AHI1: variants seen among roughly 807,000 people sequenced by gnomAD.
The protein encoded by AHI1 is Abelson helper integration site 1.
In AHI1, 123 loss-of-function variants were observed where a neutral mutation model predicts 149.3. The ratio of observed to expected loss-of-function variants is 0.82; its 90% CI spans 0.71 to 0.96. The LOEUF (loss-of-function observed/expected upper bound fraction) is 0.96, where lower values mean the gene tolerates loss of function less well. AHI1 is among the 40% of genes least tolerant of loss of function. The pLI, the probability that AHI1 is intolerant of heterozygous loss-of-function variation, is 0.00. For synonymous variants in AHI1, 475 were observed against 459.8 expected, an observed-to-expected ratio of 1.03 and a Z score of -0.42; for missense variants, 1,439 against 1,422.7, an observed-to-expected ratio of 1.01 and a Z score of -0.18.
intron 24 of AHI1, among the ~76,000 whole-genome samples, chr6:135,342,423 A>G (rs986351847): frequency 5.3e-5 from 8 of 151,928 alleles, no homozygotes; most frequent in African/African-American, 1.9e-4. Flanking sequence ...GATCGGTATT[A>G]CCATGATCCC....
chr6:135,388,070 TA>T (rs113398452), intron 23 of AHI1: 1 of 1,609,750 alleles, frequency 6.2e-7, no homozygotes, highest in Non-Finnish European at 8.5e-7. Context: ...AACTGCATAA[TA>T]AAAACATTTT....
chr6:135,373,964 T>C (rs1320495819), intron 23 of AHI1, among the ~76,000 whole-genome samples: 1 of 151,652 alleles, frequency 6.6e-6, no homozygotes, highest in Non-Finnish European at 1.5e-5. Context: ...TCTTTCTATA[T>C]AGAACAGAGA....
intron 15 of AHI1, among the ~76,000 whole-genome samples, chr6:135,434,908 T>C (rs946665681): frequency 6.6e-6 from 1 of 152,170 alleles, no homozygotes; most frequent in Non-Finnish European, 1.5e-5. Flanking sequence ...TTAGAAGTTG[T>C]TGATTTGAGA....
intron 25 of AHI1, 150 bp from the exon 26 acceptor site, chr6:135,318,766 C>T (rs765820692): frequency 2.2e-5 from 11 of 496,894 alleles, no homozygotes; most frequent in Middle Eastern, 3.3e-4. Flanking sequence ...TTACTTGTTA[C>T]GGCAATTTGC....
intron 21 of AHI1, among the ~76,000 whole-genome samples, chr6:135,409,097 C>A (rs1781213709): frequency 6.6e-6 from 1 of 152,006 alleles, no homozygotes; most frequent in Admixed American, 6.6e-5. Context: ...CAGTTTATTT[C>A]TTTCACTCAT....
intron 5 of AHI1, among the ~76,000 whole-genome samples, chr6:135,480,995 T>C (rs968821809): frequency 9.9e-5 from 15 of 152,204 alleles, no homozygotes; most frequent in African/African-American, 3.4e-4. Context: ...GCCCACTCCA[T>C]GGAAAAATTG....
Position 135,394,896 on chromosome 6 carries a change from C to T in AHI1, c.2989G>A (p.Val997Ile), listed in dbSNP as rs747411182. 2 of 1,593,330 alleles carry T rather than the reference C, an allele frequency of 1.3e-6. No homozygotes were observed. The highest frequency in any genetic ancestry group is 1.7e-6 in the Non-Finnish European group (2 of 1,168,450). ...GAAGTAAATGAGAGATTTTTGTTGA[C>T]CTGTATTAGGAAAACAAATCAGAAA... is the stretch of plus-strand genomic sequence containing the variant. Reference protein sequence around the residue: ...TEVIRSCAAKVNKNLSFTSPP... With the variant: ...TEVIRSCAAKINKNLSFTSPP... The change falls in exon 23 of 29, where the codon GTC becomes ATC. Residue 997 changes from valine (V) to isoleucine (I), a missense_variant and splice_region_variant. Val to Ile is a conservative substitution (Grantham distance 29). Coordinates refer to ENST00000265602, the MANE Select transcript of AHI1 (RefSeq NM_001134831.2).
chr6:135,484,022 C>T (rs1794111794), intron 5 of AHI1, among the ~76,000 whole-genome samples: 1 of 151,746 alleles, frequency 6.6e-6, no homozygotes, highest in Admixed American at 6.6e-5. Flanking sequence ...TAAAGTTCCA[C>T]ATGGCTGTGG....
At chr6:135,397,445 C>G (rs964630261) in intron 22 of AHI1, among the ~76,000 whole-genome samples, 25 of 151,978 alleles carry the variant, frequency 1.6e-4, no homozygotes, top group African/African-American at 5.8e-4. Context: ...AAACCACAGT[C>G]TGCCAAAGTC....
At chr6:135,351,144 C>CAAAAAAAAAA (rs112077817) in intron 24 of AHI1, among the ~76,000 whole-genome samples, 2 of 116,282 alleles carry the variant, frequency 1.7e-5, no homozygotes, top group East Asian at 2.2e-4. Flanking sequence ...ACAAAAAAAA[C>CAAAAAAAAAA]AAAAAAAAAA....
chr6:135,332,500 C>T (rs935189801), intron 24 of AHI1, among the ~76,000 whole-genome samples: 5 of 152,216 alleles, frequency 3.3e-5, no homozygotes, highest in Non-Finnish European at 7.3e-5. Flanking sequence ...ATAAAAATTA[C>T]AAGCCATTGG....
At chr6:135,473,690 G>T (rs1390155201) in intron 5 of AHI1, among the ~76,000 whole-genome samples, 1 of 152,062 alleles carries the variant, frequency 6.6e-6, no homozygotes, top group Non-Finnish European at 1.5e-5. Flanking sequence ...ACTTTGAGGG[G>T]TTCAGTGTAC....
intron 5 of AHI1, among the ~76,000 whole-genome samples, chr6:135,471,599 C>T (rs1048017793): frequency 6.6e-6 from 1 of 152,010 alleles, no homozygotes; most frequent in Non-Finnish European, 1.5e-5. Flanking sequence ...TTGAAACGTC[C>T]CAAATACATT....
intron 27 of AHI1, among the ~76,000 whole-genome samples, chr6:135,291,173 C>T (rs1484775129): frequency 6.6e-6 from 1 of 151,864 alleles, no homozygotes; most frequent in African/African-American, 2.4e-5. Flanking sequence ...AAGAATGGAA[C>T]AGAGTATCTT....
intron 20 of AHI1, among the ~76,000 whole-genome samples, chr6:135,413,038 T>C (rs1781827839): frequency 6.6e-6 from 1 of 152,064 alleles, no homozygotes; most frequent in African/African-American, 2.4e-5. Flanking sequence ...TTCATTAAAA[T>C]AAAAAAACTT....
Position 135,442,547 on chromosome 6 carries a change from T to C in AHI1, c.1912+35A>G, listed in dbSNP as rs112953464. The C allele has an allele frequency of 1.3e-4, 202 of 1,574,068 alleles. No homozygotes were observed. The African/African-American group carries it at 2.3e-3, about 18-fold the overall frequency. On this transcript the variant is annotated intron_variant, in intron 14 of 28. Transcript: ENST00000265602. ...ACTAAAGAATGTCCTCCACGTGGAC[T>C]ACAATCAGATTAAACAGGTAGGATT...
intron 21 of AHI1, among the ~76,000 whole-genome samples, 193 bp downstream of exon 21, chr6:135,411,155 T>C (rs1203018580): frequency 3.3e-5 from 5 of 152,192 alleles, no homozygotes; most frequent in African/African-American, 4.8e-5. Context: ...AACAGCATGA[T>C]AGATTATCCT....
In AHI1 at chr6:135,467,604, T is replaced by C. The variant is rs1212967974; in HGVS notation, c.166A>G (p.Met56Val). ...PDTIRSNLHY[M>V]KETTSDDPDT... ...ACATCATCACTTGTAGTTTCTTTCA[T>C]ATAGTGAAGATTGCTTCTAATAGTG... Residue 56 changes from methionine to valine, a missense_variant, in exon 6 of 29, where the codon ATG becomes GTG. By Grantham distance (21) the Met-to-Val change is conservative (BLOSUM62 1). Transcript: ENST00000265602. 4 of 1,609,674 alleles carry C rather than the reference T, an allele frequency of 2.5e-6. No individual in the cohort carries two copies. The highest frequency in any genetic ancestry group is 1.7e-5 in the Admixed American group (1 of 59,900).
chr6:135,396,385 G>A (rs1386545831), intron 22 of AHI1, among the ~76,000 whole-genome samples: 2 of 151,670 alleles, frequency 1.3e-5, no homozygotes, highest in Non-Finnish European at 3.0e-5. Flanking sequence ...ACTTCAATGC[G>A]AATGTGCCAG....
Sources: allele counts gnomAD v4.1 joint callset (sites outside exome capture counted in the v4.1 genomes callset), GRCh38; gene constraint gnomAD v4.1.1; transcripts MANE v1.5; gene names NCBI Gene and HGNC (gene_info 2026-07-23, HGNC 2026-07-21).